The following ZC3HAV1 variants were observed in gnomAD, a reference collection of about 807,000 sequenced individuals.
ZC3HAV1 encodes zinc finger CCCH-type antiviral protein 1.
Under a neutral mutation model 86.6 loss-of-function variants are expected in ZC3HAV1, and 41 were observed. The observed-to-expected ratio is 0.47, with a 90% CI of 0.37 to 0.61. The LOEUF (loss-of-function observed/expected upper bound fraction) is 0.61. Among genes scored for constraint, ZC3HAV1 ranks in the 20% least tolerant of loss-of-function variants. The probability of loss-of-function intolerance (pLI) is 0.00; values close to 1 mark genes in which losing one functional copy is unlikely to be tolerated. For missense variants in ZC3HAV1, 964 were observed against 1,141.1 expected (o/e 0.84, Z 2.24); for synonymous variants, 421 against 432.1 (o/e 0.97, Z 0.32).
In ZC3HAV1 at chr7:139,047,358, T is replaced by C. The variant is rs1815987505; in HGVS notation, c.*236A>G. The C allele has an allele frequency of 2.3e-5, 10 of 432,208 alleles. No homozygotes were observed. Among genetic ancestry groups the C allele is most frequent in the Non-Finnish European group, 4.0e-5 (10 of 248,000 alleles). The allele number at this position is 432,208 out of a possible 1,614,324, so 26.8% of individuals were successfully genotyped here. A position where few individuals can be genotyped will look rare whatever the true frequency, so the allele number is the denominator to read the frequency against. On this transcript the variant is annotated 3_prime_UTR_variant, in exon 13 of 13. Coordinates refer to ENST00000242351, the MANE Select transcript of ZC3HAV1 (RefSeq NM_020119.4). The stretch of plus-strand genomic sequence containing the variant: ...AAAAAAAAAAAAAAAAAAATACAAC[T>C]GCCTGGCGCTGACGCCCAGAAATGA...
At chr7:139,051,459 T>C (rs902732430) in intron 12 of ZC3HAV1, among the ~76,000 whole-genome samples, 1 of 150,226 alleles carries the variant, frequency 6.7e-6, no homozygotes, top group African/African-American at 2.5e-5. Context: ...CAGGCTAGAG[T>C]ACAGTGGCAC....
rs1815980776 is a variant in ZC3HAV1, at chr7:139,047,239, G to C, written c.*355C>G. 3.9e-6 allele frequency: 1 copy of C among 255,030 alleles called. No individual in the cohort carries two copies. 15.8% of individuals were successfully genotyped at this position (255,030 alleles called of 1,614,324 possible). A position where few individuals can be genotyped will look rare whatever the true frequency, so the allele number is the denominator to read the frequency against. On this transcript the variant is annotated 3_prime_UTR_variant, in exon 13 of 13. Coordinates refer to ENST00000242351, the MANE Select transcript of ZC3HAV1 (RefSeq NM_020119.4). ...AGCTACTCGGGAGGCTGAGGCAGGAGAATTGCTTGAACCCGGGAGGCAGAG... is the reference window on the plus strand; with the variant it reads ...AGCTACTCGGGAGGCTGAGGCAGGACAATTGCTTGAACCCGGGAGGCAGAG...
chr7:139,070,106 T>G (rs1816725040), intron 7 of ZC3HAV1, among the ~76,000 whole-genome samples: 1 of 152,164 alleles, frequency 6.6e-6, no homozygotes, highest in Non-Finnish European at 1.5e-5. Context: ...CTTATTTTTT[T>G]TTTTAATAAC....
intron 1 of ZC3HAV1, among the ~76,000 whole-genome samples, chr7:139,107,592 C>A (rs1817972557): frequency 6.6e-6 from 1 of 152,084 alleles, no homozygotes; most frequent in African/African-American, 2.4e-5. Context: ...CACCTGAGGT[C>A]AGGAGTTCGA....
chr7:139,084,148 G>T, intron 2 of ZC3HAV1, 116 bp from the exon 3 acceptor site: 1 of 1,383,552 alleles, frequency 7.2e-7, no homozygotes, highest in Non-Finnish European at 9.7e-7. Context: ...ATATACCAAA[G>T]GGGGAAAAAT....
chr7:139,086,179 C>A (rs1293872900), intron 2 of ZC3HAV1, among the ~76,000 whole-genome samples: 2 of 152,098 alleles, frequency 1.3e-5, no homozygotes, highest in Non-Finnish European at 2.9e-5. Flanking sequence ...TCCTACTCCC[C>A]TAAGTTAAAA....
Position 139,080,201 on chromosome 7 carries a change from C to T in ZC3HAV1, c.740G>A (p.Ser247Asn), listed in dbSNP as rs1817088735. 6.2e-7 allele frequency: 1 copy of T among 1,614,060 alleles called. No individual in the cohort carries two copies. Among genetic ancestry groups the T allele is most frequent in the African/African-American group, 1.3e-5 (1 of 74,922 alleles). Residue 247 changes from serine (S) to asparagine (N), a missense_variant, in exon 4 of 13, where the codon AGC becomes AAC. Transcript: ENST00000242351. ...HRRNMAYRAR[S>N]KSRDRFFQGS... Reference sequence around the variant, plus strand: ...CTGAAAGAACCGATCTCTACTCTTGCTTCTAGCCCTATATGCCATGTTTCT... The same window carrying T: ...CTGAAAGAACCGATCTCTACTCTTGTTTCTAGCCCTATATGCCATGTTTCT...
At position 139,047,530 on chromosome 7, in the gene ZC3HAV1, G is replaced by T; in HGVS notation, c.*64C>A. 1 of 1,598,308 alleles carries T rather than the reference G, an allele frequency of 6.3e-7. No homozygotes were observed. Among genetic ancestry groups the T allele is most frequent in the Non-Finnish European group, 8.5e-7 (1 of 1,173,506 alleles). ...TATAAAACTTTAACTCCTGTCTGCG[G>T]CAATTTAGTTCTGTAAAGGAACAGA... On this transcript the variant is annotated 3_prime_UTR_variant, in exon 13 of 13. Transcript: ENST00000242351.
chr7:139,076,874 A>T (rs1179668703), intron 5 of ZC3HAV1, among the ~76,000 whole-genome samples: 1 of 151,840 alleles, frequency 6.6e-6, no homozygotes, highest in Non-Finnish European at 1.5e-5. Flanking sequence ...CCTGGGTGAC[A>T]GAGTGAAATT....
chr7:139,093,260 C>T (rs1197559375), intron 1 of ZC3HAV1, among the ~76,000 whole-genome samples: 1 of 152,096 alleles, frequency 6.6e-6, no homozygotes, highest in Non-Finnish European at 1.5e-5. Context: ...AGATCTGAAA[C>T]TTTTTCAAAC....
chr7:139,082,820 G>T (rs1817163451), intron 3 of ZC3HAV1, among the ~76,000 whole-genome samples: 1 of 152,048 alleles, frequency 6.6e-6, no homozygotes, highest in South Asian at 2.1e-4. Context: ...CCAGGGGCTG[G>T]GGAAAGAAGG....
At chr7:139,056,295 C>T (rs191329350) in intron 9 of ZC3HAV1, among the ~76,000 whole-genome samples, 8 of 151,626 alleles carry the variant, frequency 5.3e-5, no homozygotes, top group Non-Finnish European at 8.8e-5. Flanking sequence ...GGATTATAAG[C>T]ATCAGCCAGC....
chr7:139,059,203 G>T (rs761697878), intron 9 of ZC3HAV1, among the ~76,000 whole-genome samples: 2 of 152,080 alleles, frequency 1.3e-5, no homozygotes, highest in Non-Finnish European at 2.9e-5. Context: ...CATTTGTCAG[G>T]AACTGAAATA....
At chr7:139,102,728 TACACACACACACACACACAC>T (rs113108708) in intron 1 of ZC3HAV1, among the ~76,000 whole-genome samples, 16 of 139,384 alleles carry the variant, frequency 1.1e-4, no homozygotes, top group South Asian at 4.5e-4. Flanking sequence ...ACTGTCTCTA[TACACACACACACACACACAC>T]ACACACACAC....
intron 1 of ZC3HAV1, among the ~76,000 whole-genome samples, chr7:139,104,030 G>A (rs11982922): frequency 2.2e-3 from 330 of 152,218 alleles, no homozygotes; most frequent in African/African-American, 7.6e-3. Context: ...AATAACCTTA[G>A]GTCTGTTATG....
chr7:139,109,651 G>T lies in ZC3HAV1; in HGVS notation c.-320C>A, dbSNP rs2130748851. The T allele has an allele frequency of 1.1e-5, 3 of 279,996 alleles. No homozygotes were observed. The South Asian group carries it at 2.4e-4, about 23-fold the overall frequency. The allele number at this position is 279,996 out of a possible 1,614,324, so 17.3% of individuals were successfully genotyped here. ...CTGGGGTGGCCCCCTCTCGGTTCTAGGCTCGGCGAGGGTGAGGTTCTCCAG... is the reference window on the plus strand; with the variant it reads ...CTGGGGTGGCCCCCTCTCGGTTCTATGCTCGGCGAGGGTGAGGTTCTCCAG... On this transcript the variant is annotated 5_prime_UTR_variant, in exon 1 of 13. Transcript: ENST00000242351.
Position 139,078,632 on chromosome 7 carries a change from C to G in ZC3HAV1, c.1493G>C (p.Ser498Thr). 1 of 1,573,804 alleles carries G rather than the reference C, an allele frequency of 6.4e-7. No individual in the cohort carries two copies. Among genetic ancestry groups the G allele is most frequent in the Non-Finnish European group, 8.6e-7 (1 of 1,169,014 alleles). ...ATCATCCACCCTAGAAGATGTGGTA[C>G]TTGTGACATCAGATAAAGAATCTAT... ...LVNDSLSDVT[S>T]TTSSRVDDHD... Residue 498 changes from serine to threonine, a missense_variant, in exon 5 of 13, where the codon AGT becomes ACT. Physicochemically the swap from Ser to Thr is moderately conservative, Grantham distance 58. Coordinates refer to ENST00000242351, the MANE Select transcript of ZC3HAV1 (RefSeq NM_020119.4).
intron 7 of ZC3HAV1, among the ~76,000 whole-genome samples, chr7:139,067,387 G>A (rs748839910): frequency 1.3e-5 from 2 of 152,184 alleles, no homozygotes; most frequent in Non-Finnish European, 2.9e-5. Flanking sequence ...CTGACCTCAG[G>A]TGATCCGCCT....
At chr7:139,101,109 T>G (rs1436406004) in intron 1 of ZC3HAV1, among the ~76,000 whole-genome samples, 6 of 152,182 alleles carry the variant, frequency 3.9e-5, no homozygotes, top group African/African-American at 1.4e-4. Context: ...CCTCCCGAGG[T>G]GCCGGGATGG....
Sources: allele counts gnomAD v4.1 joint callset (sites outside exome capture counted in the v4.1 genomes callset), GRCh38; gene constraint gnomAD v4.1.1; transcripts MANE v1.5; gene names NCBI Gene and HGNC (gene_info 2026-07-23, HGNC 2026-07-21).